Variants in HDAC8 observed in about 807,000 individuals in gnomAD.
HDAC8 encodes histone deacetylase-like 1.
HDAC8 carries 1 observed loss-of-function variant against 32.2 expected under a neutral mutation model. That is an observed-to-expected ratio of 0.03 (90% confidence interval 0.01 to 0.15). The LOEUF (loss-of-function observed/expected upper bound fraction) is 0.15. HDAC8 is among the 10% of genes least tolerant of loss of function. The pLI, the probability that HDAC8 is intolerant of heterozygous loss-of-function variation, is 1.00. For missense variants in HDAC8, 117 were observed against 300.0 expected (o/e 0.39, Z 4.51); for synonymous variants, 108 against 113.9 (o/e 0.95, Z 0.33).
chrX:72,491,111 G>A, intron 5 of HDAC8, 105 bp from the exon 6 acceptor site: 1 of 517,183 alleles, frequency 1.9e-6, no homozygotes. Flanking sequence ...TAGATGAGAA[G>A]GCAGCAATAT....
At chrX:72,547,925 T>C (rs1473069922) in intron 4 of HDAC8, among the ~76,000 whole-genome samples, 1 of 111,500 alleles carries the variant, frequency 9.0e-6, no homozygotes, top group Non-Finnish European at 1.9e-5. Context: ...TCCTCCCACA[T>C]CTAGTTAATC....
chrX:72,378,582 A>G (rs1213285895), intron 9 of HDAC8, among the ~76,000 whole-genome samples: 1 of 111,928 alleles, frequency 8.9e-6, no homozygotes, highest in Admixed American at 9.5e-5. Flanking sequence ...GCCTAAGTAC[A>G]TAAATACTTT....
intron 9 of HDAC8, among the ~76,000 whole-genome samples, chrX:72,439,547 G>T (rs2047054785): frequency 9.3e-6 from 1 of 107,253 alleles, no homozygotes; most frequent in Non-Finnish European, 1.9e-5. Context: ...AGACCCATTG[G>T]TGTGCTGTAT....
intron 4 of HDAC8, among the ~76,000 whole-genome samples, chrX:72,534,929 T>C (rs2050474708): frequency 8.9e-6 from 1 of 112,006 alleles, no homozygotes; most frequent in African/African-American, 3.2e-5. Context: ...TATAATTCTG[T>C]CCACCATTTC....
chrX:72,503,633 G>A (rs782205072), intron 4 of HDAC8, among the ~76,000 whole-genome samples: 6 of 111,342 alleles, frequency 5.4e-5, no homozygotes, highest in Non-Finnish European at 1.1e-4. Flanking sequence ...CTCTCATTGA[G>A]TATTCTTATT....
chrX:72,364,665 G>T (rs1476115563), intron 9 of HDAC8, among the ~76,000 whole-genome samples: 2 of 111,122 alleles, frequency 1.8e-5, no homozygotes, highest in Non-Finnish European at 3.8e-5. Flanking sequence ...ATTGAATTTT[G>T]TGCATTCAAA....
chrX:72,388,193 G>C (rs990380466), intron 9 of HDAC8, among the ~76,000 whole-genome samples: 7 of 110,790 alleles, frequency 6.3e-5, no homozygotes, highest in Admixed American at 4.8e-4. Flanking sequence ...AGACTTATAA[G>C]TTCTGGGAGG....
intron 9 of HDAC8, among the ~76,000 whole-genome samples, chrX:72,374,557 A>G (rs2044992938): frequency 9.0e-6 from 1 of 110,777 alleles, no homozygotes; most frequent in African/African-American, 3.3e-5. Flanking sequence ...CTGTAGTCCC[A>G]ACTACTTAGG....
chrX:72,344,931 T>A (rs1555946400), intron 10 of HDAC8, among the ~76,000 whole-genome samples: 1 of 111,918 alleles, frequency 8.9e-6, no homozygotes, highest in Non-Finnish European at 1.9e-5. Context: ...TAGAATGACT[T>A]CCACTTTACT....
chrX:72,355,489 A>G (rs1267612543), intron 9 of HDAC8, among the ~76,000 whole-genome samples: 1 of 111,668 alleles, frequency 9.0e-6, no homozygotes, highest in Non-Finnish European at 1.9e-5. Flanking sequence ...GAGGGGGAAC[A>G]TGGTACTGAA....
chrX:72,536,896 C>G (rs1305329048), intron 4 of HDAC8, among the ~76,000 whole-genome samples: 1 of 112,014 alleles, frequency 8.9e-6, no homozygotes, highest in Non-Finnish European at 1.9e-5. Context: ...GTACTCATAA[C>G]AGCATAGTGA....
At chrX:72,531,490 A>C (rs926326252) in intron 4 of HDAC8, among the ~76,000 whole-genome samples, 4 of 111,881 alleles carry the variant, frequency 3.6e-5, no homozygotes, top group Non-Finnish European at 5.6e-5. Flanking sequence ...GTCTACTGTA[A>C]GACCTACTAG....
intron 4 of HDAC8, among the ~76,000 whole-genome samples, chrX:72,504,638 GA>G (rs1170414223): frequency 2.7e-5 from 3 of 111,872 alleles, no homozygotes; most frequent in African/African-American, 9.7e-5. Flanking sequence ...TGGCTATTGT[GA>G]ATAGTGCTGC....
intron 4 of HDAC8, among the ~76,000 whole-genome samples, chrX:72,496,838 G>A (rs1388678094): frequency 9.1e-6 from 1 of 109,835 alleles, no homozygotes; most frequent in Non-Finnish European, 1.9e-5. Flanking sequence ...AAATAATATG[G>A]CAGATAAAGG....
intron 10 of HDAC8, among the ~76,000 whole-genome samples, chrX:72,348,138 G>A (rs1224995140): frequency 8.9e-6 from 1 of 112,026 alleles, no homozygotes; most frequent in Non-Finnish European, 1.9e-5. Flanking sequence ...AAGAGAAAAA[G>A]CCCAAGCTTA....
intron 4 of HDAC8, among the ~76,000 whole-genome samples, chrX:72,518,823 C>T (rs1056407909): frequency 3.6e-5 from 4 of 111,985 alleles, no homozygotes; most frequent in African/African-American, 1.3e-4. Context: ...TCCAGAATAT[C>T]AAATAGTTGG....
chrX:72,440,865 C>T (rs1388510260), intron 9 of HDAC8, among the ~76,000 whole-genome samples: 13 of 112,695 alleles, frequency 1.2e-4, no homozygotes, highest in East Asian at 2.8e-4. Context: ...TAAAAAACGG[C>T]GCACCAGGAC....
chrX:72,551,079 GCACACACACACA>G (rs56118046), intron 4 of HDAC8, among the ~76,000 whole-genome samples: 2 of 96,425 alleles, frequency 2.1e-5, no homozygotes, highest in Non-Finnish European at 4.3e-5. Flanking sequence ...TGAAGTCAGC[GCACACACACACA>G]CACACACACA....
chrX:72,544,374 TAAGC>T (rs782743568), intron 4 of HDAC8, among the ~76,000 whole-genome samples: 1 of 111,486 alleles, frequency 9.0e-6, no homozygotes, highest in South Asian at 3.8e-4. Flanking sequence ...GGGGTAGAAA[TAAGC>T]AAGACTTTAA....
Sources: gnomAD v4.1 joint callset for allele counts (sites outside exome capture counted in the v4.1 genomes callset) on GRCh38, gnomAD v4.1.1 for gene constraint, MANE v1.5 for transcripts, NCBI Gene and HGNC (gene_info 2026-07-23, HGNC 2026-07-21) for gene names.